CACNA2D3: variants seen among roughly 807,000 people sequenced by gnomAD.
CACNA2D3 encodes voltage-dependent calcium channel subunit alpha-2/delta-3.
A neutral mutation model predicts 160.6 loss-of-function variants in CACNA2D3; 60 were observed. The ratio of observed to expected loss-of-function variants is 0.37; its 90% CI spans 0.30 to 0.46. CACNA2D3 has a LOEUF of 0.46. Ranked by LOEUF, CACNA2D3 falls within the 20% of genes least tolerant of loss-of-function variation. The pLI is 1.00. For synonymous variants in CACNA2D3, 558 were observed against 492.9 expected (o/e 1.13, Z -1.75); for missense variants, 1,205 against 1,365.0 (o/e 0.88, Z 1.85).
chr3:54,307,251 G>A (rs150473890), intron 2 of CACNA2D3, among the ~76,000 whole-genome samples: 12 of 152,272 alleles, frequency 7.9e-5, no homozygotes, highest in African/African-American at 2.2e-4. Flanking sequence ...TGAAGTTGGT[G>A]ACACTGAAAT....
intron 2 of CACNA2D3, among the ~76,000 whole-genome samples, chr3:54,286,334 G>A (rs1443395197): frequency 6.6e-6 from 1 of 152,144 alleles, no homozygotes; most frequent in Non-Finnish European, 1.5e-5. Context: ...TATCAGCAAT[G>A]GAAGATGAAA....
rs946457015 is a variant in CACNA2D3 at position 54,832,835 on chromosome 3, T to C, written c.1399-4324T>C. On this transcript the variant is annotated intron_variant, in intron 14 of 37. Transcript: ENST00000474759. Reference sequence around the variant, plus strand: ...AGCACATGGCATGGAACCTGGAACATAGCTGATGCTCGAGGAGTGTTTATT... The same window carrying C: ...AGCACATGGCATGGAACCTGGAACACAGCTGATGCTCGAGGAGTGTTTATT... 2.0e-5 allele frequency among the ~76,000 whole-genome samples: 3 copies of C among 152,186 alleles called. No individual in the cohort carries two copies. In the South Asian group the frequency reaches 6.2e-4, roughly 32 times the overall value.
At chr3:54,796,792 AC>A (rs1251479429) in intron 13 of CACNA2D3, among the ~76,000 whole-genome samples, 2 of 152,168 alleles carry the variant, frequency 1.3e-5, no homozygotes, top group Non-Finnish European at 2.9e-5. Context: ...ATAGTCACTT[AC>A]TTTTATTTAA....
At chr3:54,877,166 G>C (rs1395094962) in intron 18 of CACNA2D3, 1 of 152,188 alleles carries the variant, frequency 6.6e-6, no homozygotes, top group Non-Finnish European at 1.5e-5. Flanking sequence ...TAAAATAGGA[G>C]ATAGAGAGGG....
In CACNA2D3 at chr3:54,313,775, G is replaced by GTTC. The variant is rs1406107687; in HGVS notation, c.205-6665_205-6663dup. ...CCCCCAGCCTTGTCGTCCTCAAAGGGTTCTGCAAGATAGGAGTCACTGCCC... is the reference window on the plus strand; with the variant it reads ...CCCCCAGCCTTGTCGTCCTCAAAGGGTTCTTCTGCAAGATAGGAGTCACTGCCC... On this transcript the variant is annotated intron_variant, in intron 2 of 37. Transcript: ENST00000474759. Among the ~76,000 whole-genome samples the GTTC allele has an allele frequency of 4.7e-5, 7 of 148,174 alleles. No homozygotes were observed. The East Asian group carries it at 1.5e-3, about 31-fold the overall frequency.
chr3:54,328,928 T>C (rs1704181288), intron 3 of CACNA2D3, among the ~76,000 whole-genome samples: 1 of 152,164 alleles, frequency 6.6e-6, no homozygotes, highest in Non-Finnish European at 1.5e-5. Flanking sequence ...GGCGGCTCAA[T>C]ACCTAGGGAC....
chr3:54,785,967 C>G (rs544616137), intron 13 of CACNA2D3, among the ~76,000 whole-genome samples: 1 of 152,298 alleles, frequency 6.6e-6, no homozygotes, highest in African/African-American at 2.4e-5. Context: ...CCAGCCTTCT[C>G]CCTGCCATTA....
rs147211895 is a variant in CACNA2D3 at position 54,945,343 on chromosome 3, C to G, written c.2450-23107C>G. ...GGGATCTGGCTCTCCGAGCCTTACT[C>G]TGTAGTATCTTGGCCTCGAAAGTGG... On this transcript the variant is annotated intron_variant, in intron 27 of 37. Coordinates refer to ENST00000474759, the MANE Select transcript of CACNA2D3 (RefSeq NM_018398.3). Among the ~76,000 whole-genome samples the G allele has an allele frequency of 3.2e-3, 485 of 152,316 alleles. 4 individuals carry two copies. The highest frequency in any genetic ancestry group is 0.011 in the African/African-American group (458 of 41,574).
intron 11 of CACNA2D3, among the ~76,000 whole-genome samples, chr3:54,678,054 C>G (rs1700275916): frequency 6.6e-6 from 1 of 152,012 alleles, no homozygotes; most frequent in Admixed American, 6.6e-5. Flanking sequence ...GTAGATGGGT[C>G]TTGTTTTTGG....
intron 10 of CACNA2D3, among the ~76,000 whole-genome samples, chr3:54,631,104 TGAGGCAGGA>T (rs1699227714): frequency 6.6e-6 from 1 of 151,916 alleles, no homozygotes; most frequent in African/African-American, 2.4e-5. Context: ...TTCGGGAGGC[TGAGGCAGGA>T]GAATCGCTTG....
intron 29 of CACNA2D3, among the ~76,000 whole-genome samples, chr3:54,977,614 G>T (rs547879364): frequency 6.6e-6 from 1 of 152,236 alleles, no homozygotes; most frequent in African/African-American, 2.4e-5. Flanking sequence ...CAGCTGTGGG[G>T]ATTTGAATAT....
chr3:54,624,696 A>C (rs925339219), intron 9 of CACNA2D3, among the ~76,000 whole-genome samples: 5 of 152,252 alleles, frequency 3.3e-5, no homozygotes, highest in African/African-American at 1.2e-4. Flanking sequence ...GGCAGAAATG[A>C]CATCAGGCAA....
At chr3:54,344,843 A>G (rs945285559) in intron 3 of CACNA2D3, among the ~76,000 whole-genome samples, 1 of 152,178 alleles carries the variant, frequency 6.6e-6, no homozygotes, top group Non-Finnish European at 1.5e-5. Flanking sequence ...TCACAGGATG[A>G]GATAGGAGGT....
intron 4 of CACNA2D3, among the ~76,000 whole-genome samples, chr3:54,475,819 G>GTGTGTGTGTGTGTC (rs1370772388): frequency 6.6e-6 from 1 of 151,380 alleles, no homozygotes; most frequent in East Asian, 1.9e-4. Flanking sequence ...TTGTGTGTGT[G>GTGTGTGTGTGTGTC]TGTGTGTGTG....
intron 11 of CACNA2D3, among the ~76,000 whole-genome samples, chr3:54,680,495 G>A (rs759534494): frequency 3.9e-5 from 6 of 152,228 alleles, no homozygotes; most frequent in Non-Finnish European, 5.9e-5. Context: ...GGTCTTGCCT[G>A]AGGAGACTTC....
chr3:55,036,498 C>T (rs1703818827), intron 35 of CACNA2D3, among the ~76,000 whole-genome samples: 1 of 151,502 alleles, frequency 6.6e-6, no homozygotes, highest in Non-Finnish European at 1.5e-5. Context: ...GACGGAGTCT[C>T]ACTCTGTTGC....
chr3:54,129,130 G>T (rs1359484311), intron 2 of CACNA2D3, among the ~76,000 whole-genome samples: 1 of 151,688 alleles, frequency 6.6e-6, no homozygotes, highest in East Asian at 2.0e-4. Context: ...GTGACCAACA[G>T]ACTCTGTCTG....
At chr3:54,779,860 C>T (rs1055519090) in intron 13 of CACNA2D3, among the ~76,000 whole-genome samples, 3 of 152,184 alleles carry the variant, frequency 2.0e-5, no homozygotes, top group Non-Finnish European at 4.4e-5. Context: ...TTTTCCCTCT[C>T]TTTTAAAATT....
intron 17 of CACNA2D3, among the ~76,000 whole-genome samples, chr3:54,870,323 A>T (rs1373547886): frequency 6.6e-6 from 1 of 152,298 alleles, no homozygotes; most frequent in Admixed American, 6.5e-5. Context: ...AAAAATGGCA[A>T]CCTATGGTTT....
Sources: gnomAD v4.1 joint callset for allele counts (sites outside exome capture counted in the v4.1 genomes callset) on GRCh38, gnomAD v4.1.1 for gene constraint, MANE v1.5 for transcripts, NCBI Gene and HGNC (gene_info 2026-07-23, HGNC 2026-07-21) for gene names.